The following LRRC7 variants were observed in gnomAD, a reference collection of about 807,000 sequenced individuals.
LRRC7 encodes the protein leucine rich repeat containing 7.
A neutral mutation model predicts 175.7 loss-of-function variants in LRRC7; 23 were observed. That is an observed-to-expected ratio of 0.13 (90% CI 0.09 to 0.19). LRRC7 has a LOEUF of 0.19. Ranked by LOEUF, LRRC7 falls within the 10% of genes least tolerant of loss-of-function variation. The probability of loss-of-function intolerance (pLI) is 1.00; values close to 1 mark genes in which losing one functional copy is unlikely to be tolerated. For missense variants in LRRC7, 1,354 were observed against 1,904.7 expected, an observed-to-expected ratio of 0.71 and a Z score of 5.38; for synonymous variants, 685 against 680.9, an observed-to-expected ratio of 1.01 and a Z score of -0.09.
rs577566716 is a variant in LRRC7, at chr1:69,943,800, A to T, written c.711+12230A>T. 1.1e-4 allele frequency among the ~76,000 whole-genome samples: 17 copies of T among 152,230 alleles called. No individual in the cohort carries two copies. The East Asian group carries it at 3.3e-3, about 29-fold the overall frequency. On this transcript the variant is annotated intron_variant, in intron 8 of 26. Transcript: ENST00000651989. ...TAGAAGCAACAGGATTTGTTGACAG[A>T]TCAGATATCAGGAATAAGAGGGAGA... is the stretch of plus-strand genomic sequence containing the variant.
At chr1:70,028,020 C>T (rs10493463) in intron 17 of LRRC7, 151 bp from the exon 18 acceptor site, 144,908 of 667,134 alleles carry the variant, frequency 0.22, 16,271 homozygotes, top group African/African-American at 0.24. Flanking sequence ...TATGAGAACA[C>T]TATGCGTCCT....
In LRRC7 at chr1:69,906,694, G is replaced by C. The variant is rs536515175; in HGVS notation, c.648-24813G>C. 4.8e-3 allele frequency among the ~76,000 whole-genome samples: 728 copies of C among 152,264 alleles called. 10 individuals carry two copies. Among genetic ancestry groups the C allele is most frequent in the African/African-American group, 0.016 (673 of 41,550 alleles). On this transcript the variant is annotated intron_variant, in intron 7 of 26. Transcript: ENST00000651989. ...AGTATAGTTTGAAGTCAGGTAGCGT[G>C]ATGCCTCCAGCTTTGTTCTTTTGGC...
At chr1:69,670,748 T>C (rs960874006) in intron 1 of LRRC7, among the ~76,000 whole-genome samples, 1 of 152,128 alleles carries the variant, frequency 6.6e-6, no homozygotes, top group Non-Finnish European at 1.5e-5. Flanking sequence ...CACTCTTCCC[T>C]CCTCTTTCCA....
At chr1:69,809,374 AAAC>A (rs1008045026) in intron 4 of LRRC7, among the ~76,000 whole-genome samples, 4 of 152,330 alleles carry the variant, frequency 2.6e-5, no homozygotes, top group Middle Eastern at 3.4e-3. Context: ...ATTCCTTCTG[AAAC>A]TATTCCAAAT....
intron 8 of LRRC7, among the ~76,000 whole-genome samples, chr1:69,972,436 C>T (rs6688049): frequency 0.44 from 67,137 of 151,846 alleles, 16,191 homozygotes; most frequent in East Asian, 0.58. Context: ...ACAAACAATC[C>T]CATCAAAAAA....
Position 69,709,600 on chromosome 1 carries a change from G to A in LRRC7, c.100+31122G>A, listed in dbSNP as rs554391615. Among the ~76,000 whole-genome samples, 9 of 152,258 alleles carry A rather than the reference G, an allele frequency of 5.9e-5. No individual in the cohort carries two copies. The East Asian group carries it at 9.7e-4, about 16-fold the overall frequency. On this transcript the variant is annotated intron_variant, in intron 2 of 26. Transcript: ENST00000651989. ...TGAATGAATGAATGCTATCTGACTCGAAAGTCAGGTTTTACATCTATGAAA... is the reference window on the plus strand; with the variant it reads ...TGAATGAATGAATGCTATCTGACTCAAAAGTCAGGTTTTACATCTATGAAA...
intron 2 of LRRC7, among the ~76,000 whole-genome samples, chr1:69,729,000 C>T (rs1667273383): frequency 6.6e-6 from 1 of 152,114 alleles, no homozygotes; most frequent in South Asian, 2.1e-4. Flanking sequence ...TCCTTCTACA[C>T]ATGGCAGCAG....
chr1:69,959,958 G>A (rs933406055), intron 8 of LRRC7, among the ~76,000 whole-genome samples: 1 of 151,952 alleles, frequency 6.6e-6, no homozygotes, highest in Non-Finnish European at 1.5e-5. Flanking sequence ...TGTTGTTGTT[G>A]TTCTCTGCCA....
chr1:69,804,252 A>G (rs1005977916), intron 4 of LRRC7, among the ~76,000 whole-genome samples: 9 of 151,402 alleles, frequency 5.9e-5, no homozygotes, highest in African/African-American at 7.3e-5. Flanking sequence ...TCTTGCTTGT[A>G]ATAAAAATAT....
chr1:69,927,926 C>T (rs1647139640), intron 7 of LRRC7, among the ~76,000 whole-genome samples: 1 of 152,082 alleles, frequency 6.6e-6, no homozygotes, highest in South Asian at 2.1e-4. Flanking sequence ...GTTTTTTCCC[C>T]ATCTTTGTGG....
chr1:69,740,560 C>T (rs772194214), intron 2 of LRRC7, among the ~76,000 whole-genome samples: 9 of 152,044 alleles, frequency 5.9e-5, no homozygotes, highest in Non-Finnish European at 7.4e-5. Flanking sequence ...AGAAGATTTA[C>T]GGACAGCAAA....
chr1:69,571,996 C>T (rs1045734962), intron 1 of LRRC7, among the ~76,000 whole-genome samples: 2 of 152,134 alleles, frequency 1.3e-5, no homozygotes, highest in East Asian at 3.8e-4. Flanking sequence ...TCTCTAATAA[C>T]AGTGACTACT....
At chr1:70,069,029 C>A (rs1215274548) in intron 23 of LRRC7, among the ~76,000 whole-genome samples, 1 of 152,036 alleles carries the variant, frequency 6.6e-6, no homozygotes, top group African/African-American at 2.4e-5. Flanking sequence ...GGTTTTATTT[C>A]TTGATAGTTG....
At chr1:69,591,390 G>A (rs937885856) in intron 1 of LRRC7, among the ~76,000 whole-genome samples, 2 of 152,056 alleles carry the variant, frequency 1.3e-5, no homozygotes, top group East Asian at 3.8e-4. Flanking sequence ...GTGGGAATAA[G>A]AAGCTATTTG....
intron 1 of LRRC7, among the ~76,000 whole-genome samples, chr1:69,584,696 T>G (rs1201856800): frequency 6.6e-6 from 1 of 152,172 alleles, no homozygotes; most frequent in Non-Finnish European, 1.5e-5. Context: ...TTAAAACAAT[T>G]TATTGCTTTG....
chr1:70,035,297 T>C (rs1203691596), intron 18 of LRRC7, among the ~76,000 whole-genome samples: 3 of 152,166 alleles, frequency 2.0e-5, no homozygotes, highest in East Asian at 3.8e-4. Context: ...TACCTTCCCC[T>C]AATGCTCTCC....
At chr1:70,065,077 G>A (rs1055072081) in intron 23 of LRRC7, among the ~76,000 whole-genome samples, 1 of 151,786 alleles carries the variant, frequency 6.6e-6, no homozygotes, top group Non-Finnish European at 1.5e-5. Flanking sequence ...CCTGAGTCCT[G>A]TCACCAAAAC....
Position 70,023,304 on chromosome 1 carries a change from A to G in LRRC7, c.1724A>G (p.Glu575Gly). The change falls in exon 17 of 27, where the codon GAA (glutamate) becomes GGA (glycine). Residue 575 changes from glutamate to glycine, a missense_variant. By Grantham distance (98) the Glu-to-Gly change is moderately conservative (BLOSUM62 -2). Coordinates refer to ENST00000651989, the MANE Select transcript of LRRC7 (RefSeq NM_001370785.2). ...GGTTGTATAAGTGGCCTCCAGCAGG[A>G]AAGGAGCATGTGTACTCCATTGCCA... ...AWGCISGLQQ[E>G]RSMCTPLPVA... 6.2e-7 allele frequency: 1 copy of G among 1,613,654 alleles called. No individual in the cohort carries two copies. The highest frequency in any genetic ancestry group is 8.5e-7 in the Non-Finnish European group (1 of 1,179,704).
chr1:69,695,786 A>C (rs1662507428), intron 2 of LRRC7, among the ~76,000 whole-genome samples: 1 of 152,208 alleles, frequency 6.6e-6, no homozygotes, highest in Admixed American at 6.5e-5. Flanking sequence ...CTGTCACTTC[A>C]GAAGGCACCA....
Sources: allele counts gnomAD v4.1 joint callset (sites outside exome capture counted in the v4.1 genomes callset), GRCh38; gene constraint gnomAD v4.1.1; transcripts MANE v1.5; gene names NCBI Gene and HGNC (gene_info 2026-07-23, HGNC 2026-07-21).